IL18: variants seen among roughly 807,000 people sequenced by gnomAD.
IL18 encodes the protein interleukin-18.
A neutral mutation model predicts 14.2 loss-of-function variants in IL18; 8 were observed. The ratio of observed to expected loss-of-function variants is 0.56; its 90% CI spans 0.33 to 1.01. IL18 has a LOEUF of 1.01. Ranked by LOEUF, IL18 falls within the 50% of genes least tolerant of loss-of-function variation. The pLI, the probability that IL18 is intolerant of heterozygous loss-of-function variation, is 0.03. For synonymous variants in IL18, 67 were observed against 71.0 expected, an observed-to-expected ratio of 0.94 and a Z score of 0.28; for missense variants, 166 against 231.1, an observed-to-expected ratio of 0.72 and a Z score of 1.83.
chr11:112,148,701 A>G lies in IL18; in HGVS notation c.262T>C (p.Tyr88His). 1 of 1,497,350 alleles carries G rather than the reference A, an allele frequency of 6.7e-7. No homozygotes were observed. The highest frequency in any genetic ancestry group is 9.0e-7 in the Non-Finnish European group (1 of 1,114,280). The allele number at this position is 1,497,350 out of a possible 1,614,324, so 92.8% of individuals were successfully genotyped here. A position where few individuals can be genotyped will look rare whatever the true frequency, so the allele number is the denominator to read the frequency against. Reference sequence around the variant, plus strand: ...ATACCTCTAGGCTGGCTATCTTTATACATACTTATAATAAATATGGTCCGG... The same window carrying G: ...ATACCTCTAGGCTGGCTATCTTTATGCATACTTATAATAAATATGGTCCGG... ...APRTIFIISM[Y>H]KDSQPRGMAV... is the part of the protein sequence containing the mutation. Residue 88 changes from tyrosine (Y) to histidine (H), a missense_variant, in exon 5 of 6, where the codon TAT (tyrosine) becomes CAT (histidine). Coordinates refer to ENST00000280357, the MANE Select transcript of IL18 (RefSeq NM_001562.4).
chr11:112,150,362 C>G, intron 3 of IL18, 156 bp from the exon 4 acceptor site: 1 of 569,444 alleles, frequency 1.8e-6, no homozygotes. Flanking sequence ...TTAACCTACT[C>G]TCAAAGGCAC....
chr11:112,149,169 G>A (rs1866391829), intron 4 of IL18, among the ~76,000 whole-genome samples: 1 of 152,036 alleles, frequency 6.6e-6, no homozygotes, highest in Non-Finnish European at 1.5e-5. Context: ...GTGCATGCCT[G>A]TAATCCCACC....
chr11:112,159,833 T>G (rs1239079015), intron 1 of IL18, among the ~76,000 whole-genome samples: 2 of 152,076 alleles, frequency 1.3e-5, no homozygotes, highest in African/African-American at 4.8e-5. Context: ...GGTGGACAAA[T>G]ATCTAGGACA....
intron 4 of IL18, among the ~76,000 whole-genome samples, chr11:112,149,279 G>T (rs763030959): frequency 1.5e-4 from 23 of 151,906 alleles, no homozygotes; most frequent in Non-Finnish European, 2.9e-4. Flanking sequence ...TTCAGCCTGG[G>T]TGACAGAGTG....
Position 112,143,474 on chromosome 11 carries a change from G to T in IL18, c.*122C>A. On this transcript the variant is annotated 3_prime_UTR_variant, in exon 6 of 6. Coordinates refer to ENST00000280357, the MANE Select transcript of IL18 (RefSeq NM_001562.4). ...TTTTTGTATTTTTAGTAGAGATGAG[G>T]TTTCACCATGTTGGTCAGGCTGGTC... 1.6e-6 allele frequency: 1 copy of T among 618,028 alleles called. No individual in the cohort carries two copies. Among genetic ancestry groups the T allele is most frequent in the Non-Finnish European group, 2.8e-6 (1 of 353,870 alleles). The allele number at this position is 618,028 out of a possible 1,614,324, so 38.3% of individuals were successfully genotyped here.
At chr11:112,150,565 C>T in intron 3 of IL18, 1 of 161,642 alleles carries the variant, frequency 6.2e-6, no homozygotes, top group Non-Finnish European at 1.4e-5. Context: ...CCCGTCTTCC[C>T]TTCCTTCCCT....
Position 112,160,432 on chromosome 11 carries a change from G to C in IL18, c.-9+3474C>G, listed in dbSNP as rs151243580. On this transcript the variant is annotated intron_variant, in intron 1 of 5. Transcript: ENST00000280357. The stretch of plus-strand genomic sequence containing the variant: ...TTCCTAGCTAATTATTCTCTCCTCA[G>C]AGTCCTACCTCCTTCACACCTGTTC... 2.3e-4 allele frequency among the ~76,000 whole-genome samples: 35 copies of C among 150,824 alleles called. No homozygotes were observed. In the East Asian group the frequency reaches 5.7e-3, roughly 25 times the overall value.
At chr11:112,151,448 T>A (rs1866438021) in intron 3 of IL18, among the ~76,000 whole-genome samples, 1 of 152,214 alleles carries the variant, frequency 6.6e-6, no homozygotes, top group Admixed American at 6.5e-5. Flanking sequence ...CATATTATTA[T>A]CTTTTTTCAT....
chr11:112,146,927 C>CT (rs36051933), intron 5 of IL18, among the ~76,000 whole-genome samples: 6,485 of 125,250 alleles, frequency 0.052, 317 homozygotes, highest in African/African-American at 0.079. Flanking sequence ...GGTAATTTTA[C>CT]TTTTTTTTTT....
At chr11:112,145,970 C>A (rs1421099921) in intron 5 of IL18, among the ~76,000 whole-genome samples, 1 of 151,516 alleles carries the variant, frequency 6.6e-6, no homozygotes, top group Admixed American at 6.6e-5. Flanking sequence ...CCTTGGAGAA[C>A]CCCCAACTTG....
chr11:112,153,660 A>G (rs181086531), intron 2 of IL18, 57 bp from the exon 3 acceptor site: 3 of 1,275,484 alleles, frequency 2.4e-6, no homozygotes, highest in East Asian at 4.7e-5. Flanking sequence ...TTCGACTCAG[A>G]ATTCAATCTC....
chr11:112,151,009 C>G (rs1284818660), intron 3 of IL18: 1 of 152,208 alleles, frequency 6.6e-6, no homozygotes, highest in Non-Finnish European at 1.5e-5. Context: ...TCTACTGAAG[C>G]TTTAATTTGC....
chr11:112,155,378 T>A (rs894426902), intron 1 of IL18, among the ~76,000 whole-genome samples: 3 of 152,204 alleles, frequency 2.0e-5, no homozygotes, highest in Admixed American at 2.0e-4. Flanking sequence ...AATATAAATA[T>A]AGTTTCACCT....
rs546946513 is a variant in IL18 at position 112,146,118 on chromosome 11, A to G, written c.361-2301T>C. ...TATTGACCTAACATCTCCCAAGTGC[A>G]CTGGAAAGTCTGAGGGAACCCTGGC... On this transcript the variant is annotated intron_variant, in intron 5 of 5. Transcript: ENST00000280357. Among the ~76,000 whole-genome samples, 29 of 150,062 alleles carry G rather than the reference A, an allele frequency of 1.9e-4. 2 individuals are homozygous for G. In the South Asian group the frequency reaches 4.8e-3, roughly 25 times the overall value.
At chr11:112,151,355 A>G (rs1181865978) in intron 3 of IL18, among the ~76,000 whole-genome samples, 1 of 152,170 alleles carries the variant, frequency 6.6e-6, no homozygotes, top group African/African-American at 2.4e-5. Flanking sequence ...GTGTCTGTAT[A>G]TATACATAGA....
chr11:112,145,283 C>T (rs181231912), intron 5 of IL18, among the ~76,000 whole-genome samples: 1 of 152,296 alleles, frequency 6.6e-6, no homozygotes, highest in East Asian at 1.9e-4. Flanking sequence ...CCTATTGGCA[C>T]CCACTTCTGC....
At chr11:112,145,937 G>A (rs1442765032) in intron 5 of IL18, among the ~76,000 whole-genome samples, 2 of 151,874 alleles carry the variant, frequency 1.3e-5, no homozygotes, top group Non-Finnish European at 2.9e-5. Flanking sequence ...CATAGCAAAT[G>A]GATGTGAAAG....
At chr11:112,149,605 A>G (rs1237432978) in intron 4 of IL18, among the ~76,000 whole-genome samples, 1 of 122,844 alleles carries the variant, frequency 8.1e-6, no homozygotes, top group Non-Finnish European at 1.6e-5. Flanking sequence ...CAAGGTCTGT[A>G]TATCACCCAG....
At chr11:112,153,875 A>G (rs1273720179) in intron 2 of IL18, among the ~76,000 whole-genome samples, 1 of 152,186 alleles carries the variant, frequency 6.6e-6, no homozygotes, top group Admixed American at 6.5e-5. Flanking sequence ...CTAAAAATAA[A>G]TTTTATAAAA....
Sources: gnomAD v4.1 joint callset for allele counts (sites outside exome capture counted in the v4.1 genomes callset) on GRCh38, gnomAD v4.1.1 for gene constraint, MANE v1.5 for transcripts, NCBI Gene and HGNC (gene_info 2026-07-23, HGNC 2026-07-21) for gene names.